The following ROBO2 variants were observed in gnomAD, a reference collection of about 807,000 sequenced individuals.
ROBO2 encodes the protein roundabout homolog 2.
A neutral mutation model predicts 160.8 loss-of-function variants in ROBO2; 53 were observed. The observed-to-expected ratio is 0.33, with a 90% CI of 0.26 to 0.41. The LOEUF (loss-of-function observed/expected upper bound fraction) is 0.41. Ranked by LOEUF, ROBO2 falls within the 10% of genes least tolerant of loss-of-function variation. The probability of loss-of-function intolerance (pLI) is 1.00; values close to 1 mark genes in which losing one functional copy is unlikely to be tolerated. For synonymous variants in ROBO2, 664 were observed against 611.7 expected, an observed-to-expected ratio of 1.09 and a Z score of -1.26; for missense variants, 1,577 against 1,722.4, an observed-to-expected ratio of 0.92 and a Z score of 1.49.
intron 2 of ROBO2, among the ~76,000 whole-genome samples, chr3:76,740,582 C>T (rs1049598766): frequency 2.0e-5 from 3 of 152,084 alleles, no homozygotes; most frequent in Non-Finnish European, 2.9e-5. Context: ...TATTTACATG[C>T]ATAAAAAGCT....
chr3:76,911,126 G>C (rs962227839), intron 2 of ROBO2, among the ~76,000 whole-genome samples: 1 of 152,156 alleles, frequency 6.6e-6, no homozygotes, highest in Non-Finnish European at 1.5e-5. Context: ...AAATGAAAAA[G>C]TATGGTACTT....
At position 76,733,579 on chromosome 3, in the gene ROBO2, C is replaced by A. The variant is rs917094800; in HGVS notation, c.110-364435C>A. Among the ~76,000 whole-genome samples, 9 of 152,156 alleles carry A rather than the reference C, an allele frequency of 5.9e-5. 1 individual carries two copies. Among genetic ancestry groups the A allele is most frequent in the Admixed American group, 1.3e-4 (2 of 15,276 alleles). On this transcript the variant is annotated intron_variant, in intron 2 of 26. Transcript: ENST00000487694. ...TTTTATCTTCACACTGTTTTTATCA[C>A]CATTTTGCAGATGAGGAAATAGAAG...
At chr3:76,557,671 T>A (rs2108451791) in intron 2 of ROBO2, among the ~76,000 whole-genome samples, 1 of 151,418 alleles carries the variant, frequency 6.6e-6, no homozygotes, top group African/African-American at 2.4e-5. Context: ...ATATGTTCCA[T>A]TTAGATGAAA....
chr3:76,729,370 C>G (rs1207833966), intron 2 of ROBO2, among the ~76,000 whole-genome samples: 1 of 151,998 alleles, frequency 6.6e-6, no homozygotes, highest in African/African-American at 2.4e-5. Flanking sequence ...GGAATACTCT[C>G]TCCCCTTTTG....
exon 11 of ROBO2, chr3:77,563,204 T>A (rs1444073681): frequency 6.2e-7 from 1 of 1,613,392 alleles, no homozygotes; most frequent in Non-Finnish European, 8.5e-7. Flanking sequence ...ATGATTTAAG[T>A]GACCTGCCAG....
At chr3:76,824,091 T>G (rs1006571855) in intron 2 of ROBO2, among the ~76,000 whole-genome samples, 1 of 152,182 alleles carries the variant, frequency 6.6e-6, no homozygotes, top group African/African-American at 2.4e-5. Context: ...GTCTTCTGCA[T>G]GGTCAAAGCT....
At chr3:77,436,520 G>C (rs1294528234) in intron 2 of ROBO2, among the ~76,000 whole-genome samples, 1 of 151,794 alleles carries the variant, frequency 6.6e-6, no homozygotes, top group Non-Finnish European at 1.5e-5. Flanking sequence ...GTGTCAGCCT[G>C]TATCAACATT....
intron 2 of ROBO2, among the ~76,000 whole-genome samples, chr3:76,539,172 C>T (rs1447361452): frequency 6.6e-6 from 1 of 151,928 alleles, no homozygotes; most frequent in Non-Finnish European, 1.5e-5. Flanking sequence ...GGGAGGGGAA[C>T]ATCACACACT....
At chr3:76,283,628 G>A (rs1708359767) in intron 2 of ROBO2, among the ~76,000 whole-genome samples, 1 of 151,922 alleles carries the variant, frequency 6.6e-6, no homozygotes. Flanking sequence ...TTCCCATTTA[G>A]CATTAATAAG....
At chr3:75,962,155 A>G (rs1403893870) in intron 2 of ROBO2, among the ~76,000 whole-genome samples, 2 of 151,668 alleles carry the variant, frequency 1.3e-5, no homozygotes, top group Non-Finnish European at 3.0e-5. Context: ...CAAAATGTGA[A>G]GGGAGTTAAT....
At chr3:76,278,926 G>A (rs1019771081) in intron 2 of ROBO2, among the ~76,000 whole-genome samples, 8 of 151,866 alleles carry the variant, frequency 5.3e-5, no homozygotes, top group African/African-American at 1.7e-4. Context: ...CCTACCCAAT[G>A]CCTGAGAGAT....
intron 23 of ROBO2, chr3:77,632,406 TATAGTG>T: frequency 8.5e-7 from 1 of 1,176,738 alleles, no homozygotes; most frequent in Non-Finnish European, 1.2e-6. Flanking sequence ...TGCTCATTAG[TATAGTG>T]TGTACAAGCA....
intron 1 of ROBO2, among the ~76,000 whole-genome samples, chr3:75,924,460 T>C (rs565587698): frequency 2.8e-4 from 42 of 152,086 alleles, no homozygotes; most frequent in Non-Finnish European, 4.7e-4. Context: ...CCTGACAAAA[T>C]ATAGACTTGA....
At position 76,520,948 on chromosome 3, in the gene ROBO2, C is replaced by A. The variant is rs373136421; in HGVS notation, c.110-577066C>A. ...AGTATACTATAGAAAACATTGAATT[C>A]TCTTCTTCATTTATTACTATTTTTT... On this transcript the variant is annotated intron_variant, in intron 2 of 26. Transcript: ENST00000487694. Among the ~76,000 whole-genome samples the A allele has an allele frequency of 2.9e-4, 44 of 151,544 alleles. 2 individuals carry two copies. The highest frequency in any genetic ancestry group is 2.7e-3 in the South Asian group (13 of 4,808).
At chr3:75,989,615 TTAAAGA>T (rs1409112290) in intron 2 of ROBO2, among the ~76,000 whole-genome samples, 1 of 152,116 alleles carries the variant, frequency 6.6e-6, no homozygotes, top group Non-Finnish European at 1.5e-5. Flanking sequence ...AAAGAACATG[TTAAAGA>T]TAAGTATGAA....
chr3:77,276,024 A>G lies in ROBO2; in HGVS notation c.388+177684A>G, dbSNP rs185207682. Among the ~76,000 whole-genome samples, 4 of 152,248 alleles carry G rather than the reference A, an allele frequency of 2.6e-5. No homozygotes were observed. The South Asian group carries it at 6.2e-4, about 24-fold the overall frequency. On this transcript the variant is annotated intron_variant, in intron 2 of 25. Transcript: ENST00000461745. ...AGTATGCTATGAGTTTAGCAAACCT[A>G]TCTTTGCAATGTGTATGTGTTATGT...
At chr3:76,261,979 C>T (rs538463901) in intron 2 of ROBO2, among the ~76,000 whole-genome samples, 39 of 152,138 alleles carry the variant, frequency 2.6e-4, no homozygotes, top group Admixed American at 2.4e-3. Context: ...TACAAAGATA[C>T]TTTTAGAAAT....
rs543453059 is a variant in ROBO2 at position 77,562,834 on chromosome 3, G to T, written c.1519+102G>T. On this transcript the variant is annotated intron_variant, in intron 10 of 25. Transcript: ENST00000461745. ...GATCAAAGTGTTTAATTCACTGAAT[G>T]TAAATTTTAGCCTTTACATTCAATG... The T allele has an allele frequency of 8.1e-5, 71 of 876,542 alleles. No individual in the cohort carries two copies. In the Middle Eastern group the frequency reaches 1.1e-3, roughly 13 times the overall value. The allele number at this position is 876,542 out of a possible 1,614,324, so 54.3% of individuals were successfully genotyped here.
At chr3:76,285,512 T>A (rs1708465018) in intron 2 of ROBO2, among the ~76,000 whole-genome samples, 1 of 152,086 alleles carries the variant, frequency 6.6e-6, no homozygotes, top group African/African-American at 2.4e-5. Flanking sequence ...TATTTTGATG[T>A]TAAAGACCTC....
Sources: allele counts gnomAD v4.1 joint callset (sites outside exome capture counted in the v4.1 genomes callset), GRCh38; gene constraint gnomAD v4.1.1; transcripts MANE v1.5; gene names NCBI Gene and HGNC (gene_info 2026-07-23, HGNC 2026-07-21).